Variants in CNTNAP5 observed in about 807,000 individuals in gnomAD.
CNTNAP5 encodes the protein contactin associated protein family member 5, also known as contactin-associated protein-like 5.
A neutral mutation model predicts 150.2 loss-of-function variants in CNTNAP5; 72 were observed. That is an observed-to-expected ratio of 0.48 (90% CI 0.40 to 0.58). The LOEUF is 0.58. Among genes scored for constraint, CNTNAP5 ranks in the 20% least tolerant of loss-of-function variants. The probability of loss-of-function intolerance (pLI) is 0.00; values close to 1 mark genes in which losing one functional copy is unlikely to be tolerated. For missense variants in CNTNAP5, 1,636 were observed against 1,626.2 expected (o/e 1.01, Z -0.10); for synonymous variants, 672 against 619.8 (o/e 1.08, Z -1.25).
At chr2:124,284,717 A>G (rs1688103094) in intron 3 of CNTNAP5, among the ~76,000 whole-genome samples, 2 of 152,192 alleles carry the variant, frequency 1.3e-5, no homozygotes, top group African/African-American at 4.8e-5. Context: ...GACTAAACTC[A>G]CAGCATTCAG....
At chr2:124,471,950 T>G (rs1693526978) in intron 6 of CNTNAP5, among the ~76,000 whole-genome samples, 1 of 152,122 alleles carries the variant, frequency 6.6e-6, no homozygotes, top group African/African-American at 2.4e-5. Flanking sequence ...TGTAATACTT[T>G]TACAAAATAT....
intron 4 of CNTNAP5, among the ~76,000 whole-genome samples, chr2:124,427,283 T>TA (rs1259703292): frequency 6.6e-6 from 1 of 152,078 alleles, no homozygotes; most frequent in Non-Finnish European, 1.5e-5. Context: ...TAGCCAGGAT[T>TA]ATGCAGGCTG....
intron 19 of CNTNAP5, among the ~76,000 whole-genome samples, chr2:124,830,159 C>A (rs555668269): frequency 9.2e-5 from 14 of 151,714 alleles, no homozygotes; most frequent in African/African-American, 3.4e-4. Context: ...ATATTTTAAT[C>A]AAAAAGACTT....
chr2:124,548,915 C>T (rs151267076), intron 10 of CNTNAP5, among the ~76,000 whole-genome samples: 33 of 152,260 alleles, frequency 2.2e-4, no homozygotes, highest in South Asian at 8.3e-4. Context: ...TCTAATCTGA[C>T]GCCTGGGCTA....
At chr2:124,137,806 A>G (rs1177593604) in intron 1 of CNTNAP5, among the ~76,000 whole-genome samples, 1 of 69,648 alleles carries the variant, frequency 1.4e-5, no homozygotes, top group Non-Finnish European at 3.1e-5. Flanking sequence ...CGCTGTGGAG[A>G]GATAGTAGCA....
At chr2:124,389,241 G>GT (rs1423258675) in intron 3 of CNTNAP5, among the ~76,000 whole-genome samples, 1 of 152,160 alleles carries the variant, frequency 6.6e-6, no homozygotes, top group Admixed American at 6.5e-5. Flanking sequence ...AAAAATATGT[G>GT]TTGCTACAAC....
chr2:124,298,295 G>A (rs59438091), intron 3 of CNTNAP5, among the ~76,000 whole-genome samples: 5,491 of 152,128 alleles, frequency 0.036, 349 homozygotes, highest in African/African-American at 0.12. Flanking sequence ...ACCGAACTGA[G>A]GGTCGGGCTG....
chr2:124,437,188 C>T (rs1292715041), intron 5 of CNTNAP5, among the ~76,000 whole-genome samples: 1 of 152,268 alleles, frequency 6.6e-6, no homozygotes, highest in African/African-American at 2.4e-5. Context: ...GTACTTGAGG[C>T]AGATTGAGTA....
chr2:124,305,670 G>C (rs13413408), intron 3 of CNTNAP5, among the ~76,000 whole-genome samples: 3 of 152,082 alleles, frequency 2.0e-5, no homozygotes, highest in Admixed American at 6.5e-5. Flanking sequence ...GTGTGACCTT[G>C]TTATAAAAGT....
intron 1 of CNTNAP5, among the ~76,000 whole-genome samples, chr2:124,115,609 AC>A (rs1353322413): frequency 6.6e-6 from 1 of 151,490 alleles, no homozygotes; most frequent in African/African-American, 2.4e-5. Flanking sequence ...CTTCTGTAAA[AC>A]CAAGAAATGA....
intron 19 of CNTNAP5, among the ~76,000 whole-genome samples, chr2:124,827,213 C>T (rs901765819): frequency 1.3e-5 from 2 of 152,094 alleles, no homozygotes. Flanking sequence ...TATGAGCCAC[C>T]GCACCTGGCC....
At chr2:124,703,291 G>T (rs1679565222) in intron 13 of CNTNAP5, among the ~76,000 whole-genome samples, 2 of 149,170 alleles carry the variant, frequency 1.3e-5, no homozygotes, top group South Asian at 4.2e-4. Context: ...TCCTTATTTT[G>T]AAAGAATCAT....
chr2:124,365,772 G>A (rs1186744949), intron 3 of CNTNAP5, among the ~76,000 whole-genome samples: 1 of 152,160 alleles, frequency 6.6e-6, no homozygotes, highest in African/African-American at 2.4e-5. Flanking sequence ...GCACATGAAA[G>A]ATCTAAAAGA....
At chr2:124,797,126 A>G (rs879419880) in intron 18 of CNTNAP5, among the ~76,000 whole-genome samples, 1 of 152,212 alleles carries the variant, frequency 6.6e-6, no homozygotes, top group African/African-American at 2.4e-5. Context: ...CTGATGAGGT[A>G]GGTGTTATGA....
rs564907577 is a variant in CNTNAP5, at chr2:124,727,825, C to T, written c.2078-19404C>T. The stretch of plus-strand genomic sequence containing the variant: ...CTTTATTTTATATAATTGCTCTGGC[C>T]AGGACTTTAAGTACTATGTTGAATA... On this transcript the variant is annotated intron_variant, in intron 13 of 23. Transcript: ENST00000682447. Among the ~76,000 whole-genome samples, 654 of 151,928 alleles carry T rather than the reference C, an allele frequency of 4.3e-3. 5 individuals are homozygous for T. The highest frequency in any genetic ancestry group is 6.6e-3 in the Non-Finnish European group (450 of 67,894).
intron 11 of CNTNAP5, among the ~76,000 whole-genome samples, chr2:124,591,192 T>C (rs1487674755): frequency 6.6e-6 from 1 of 152,314 alleles, no homozygotes; most frequent in Non-Finnish European, 1.5e-5. Flanking sequence ...TTTTTTCTAA[T>C]GGAGACAAAT....
intron 1 of CNTNAP5, among the ~76,000 whole-genome samples, chr2:124,154,265 A>G (rs1048274843): frequency 3.3e-5 from 5 of 152,126 alleles, no homozygotes; most frequent in Admixed American, 6.5e-5. Flanking sequence ...CTGAGTTTGT[A>G]TTCCCCTAGA....
intron 13 of CNTNAP5, among the ~76,000 whole-genome samples, chr2:124,709,149 A>G (rs1419271233): frequency 6.6e-6 from 1 of 151,936 alleles, no homozygotes; most frequent in East Asian, 1.9e-4. Flanking sequence ...TGCAATCAGA[A>G]CTCTCATTCA....
chr2:124,876,638 C>T (rs1355726505), intron 21 of CNTNAP5, among the ~76,000 whole-genome samples: 3 of 151,914 alleles, frequency 2.0e-5, no homozygotes, highest in African/African-American at 7.2e-5. Flanking sequence ...AAGTTTATAG[C>T]TTCCAAAGTG....
Sources: gnomAD v4.1 joint callset for allele counts (sites outside exome capture counted in the v4.1 genomes callset) on GRCh38, gnomAD v4.1.1 for gene constraint, MANE v1.5 for transcripts, NCBI Gene and HGNC (gene_info 2026-07-23, HGNC 2026-07-21) for gene names.